The following UGCG variants were observed in gnomAD, a reference collection of about 807,000 sequenced individuals.
The protein encoded by UGCG is UDP-glucose ceramide glucosyltransferase.
In UGCG, 10 loss-of-function variants were observed where a neutral mutation model predicts 49.5. That is an observed-to-expected ratio of 0.20 (90% CI 0.12 to 0.34). The LOEUF is 0.34. Ranked by LOEUF, UGCG falls within the 10% of genes least tolerant of loss-of-function variation. The pLI is 1.00. For missense variants in UGCG, 312 were observed against 483.7 expected (o/e 0.65, Z 3.33); for synonymous variants, 182 against 158.2 (o/e 1.15, Z -1.13).
chr9:111,922,742 A>G (rs1207807217), intron 2 of UGCG, 107 bp from the exon 3 acceptor site: 5 of 661,830 alleles, frequency 7.6e-6, no homozygotes, highest in African/African-American at 3.7e-5. Flanking sequence ...AAAACTTTGC[A>G]TAATACAGTT....
intron 4 of UGCG, among the ~76,000 whole-genome samples, chr9:111,925,940 G>T (rs769672572): frequency 6.6e-6 from 1 of 152,018 alleles, no homozygotes; most frequent in Non-Finnish European, 1.5e-5. Context: ...ATATAATCAC[G>T]TTCCATTCCT....
chr9:111,932,711 G>A (rs72757818), intron 8 of UGCG, 116 bp from the exon 9 acceptor site: 46,030 of 975,290 alleles, frequency 0.047, 1,504 homozygotes, highest in East Asian at 0.15. Flanking sequence ...ACATAAGGAA[G>A]CAGACTTGAT....
chr9:111,932,854 G>T lies in UGCG; in HGVS notation c.1042G>T (p.Asp348Tyr). Residue 348 changes from aspartate to tyrosine, a missense_variant, in exon 9 of 9, where the codon GAT becomes TAT. This residue lies in a region of UGCG where 180 missense variants were observed against 320.4 expected (regional missense o/e 0.56). Coordinates refer to ENST00000374279, the MANE Select transcript of UGCG (RefSeq NM_003358.3). ...QGGTLCFSKL[D>Y]YAVAWFIRES... ...TGGCACACTGTGTTTTTCAAAACTT[G>T]ATTATGCAGTCGCCTGGTTCATCCG... 6.2e-7 allele frequency: 1 copy of T among 1,603,210 alleles called. No homozygotes were observed. Among genetic ancestry groups the T allele is most frequent in the South Asian group, 1.1e-5 (1 of 88,684 alleles).
intron 1 of UGCG, among the ~76,000 whole-genome samples, chr9:111,898,155 T>G (rs1837700294): frequency 6.6e-6 from 1 of 151,582 alleles, no homozygotes. Flanking sequence ...AACTGGGTGA[T>G]GGCGTGAATA....
In UGCG at chr9:111,934,186, T is replaced by C. The variant is rs772014087; in HGVS notation, c.*1189T>C. On this transcript the variant is annotated 3_prime_UTR_variant, in exon 9 of 9. Transcript: ENST00000374279. Reference sequence around the variant, plus strand: ...TACTATTATAGTAAGTCTAGTCTTATTTAAATTGGATTTTTGTATTCAAGT... The same window carrying C: ...TACTATTATAGTAAGTCTAGTCTTACTTAAATTGGATTTTTGTATTCAAGT... The C allele has an allele frequency of 6.6e-6, 1 of 151,906 alleles. No homozygotes were observed. Among genetic ancestry groups the C allele is most frequent in the African/African-American group, 2.4e-5 (1 of 41,362 alleles). 9.4% of individuals were successfully genotyped at this position (151,906 alleles called of 1,614,324 possible). A position where few individuals can be genotyped will look rare whatever the true frequency, so the allele number is the denominator to read the frequency against.
In UGCG at chr9:111,933,339, G is replaced by A. The variant is rs1281709807; in HGVS notation, c.*342G>A. On this transcript the variant is annotated 3_prime_UTR_variant, in exon 9 of 9. Transcript: ENST00000374279. The stretch of plus-strand genomic sequence containing the variant: ...AACTCTGTGACAGTATCCTTCAGTA[G>A]AGAAAGTTTCTTACTTGTGAGTACA... The A allele has an allele frequency of 6.6e-6, 1 of 152,556 alleles. No individual in the cohort carries two copies. Among genetic ancestry groups the A allele is most frequent in the African/African-American group, 2.4e-5 (1 of 41,436 alleles). The allele number at this position is 152,556 out of a possible 1,614,324, so 9.5% of individuals were successfully genotyped here.
chr9:111,932,716 C>T, intron 8 of UGCG, 111 bp from the exon 9 acceptor site: 2 of 1,046,372 alleles, frequency 1.9e-6, no homozygotes. Flanking sequence ...AGGAAGCAGA[C>T]TTGATTTTAC....
Position 111,932,374 on chromosome 9 carries a change from A to C in UGCG, c.1014+15A>C. The C allele has an allele frequency of 6.2e-7, 1 of 1,604,612 alleles. No individual in the cohort carries two copies. The highest frequency in any genetic ancestry group is 1.1e-5 in the South Asian group (1 of 89,914). On this transcript the variant is annotated intron_variant, in intron 8 of 8. Coordinates refer to ENST00000374279, the MANE Select transcript of UGCG (RefSeq NM_003358.3). The stretch of plus-strand genomic sequence containing the variant: ...GGGGTGTCCAGGTATGTGGATAGGC[A>C]TGAAAAGGTTGGCAGTCCCTTGGTG...
At chr9:111,919,365 C>T (rs1838174279) in intron 2 of UGCG, among the ~76,000 whole-genome samples, 1 of 152,024 alleles carries the variant, frequency 6.6e-6, no homozygotes. Flanking sequence ...CACCTATAGT[C>T]CCAGCTACTC....
Position 111,932,866 on chromosome 9 carries a change from G to A in UGCG, c.1054G>A (p.Ala352Thr), listed in dbSNP as rs907614911. 4 of 1,608,286 alleles carry A rather than the reference G, an allele frequency of 2.5e-6. No homozygotes were observed. Among genetic ancestry groups the A allele is most frequent in the African/African-American group, 1.3e-5 (1 of 74,562 alleles). ...LCFSKLDYAV[A>T]WFIRESMTIY... The stretch of plus-strand genomic sequence containing the variant: ...TTTTTCAAAACTTGATTATGCAGTC[G>A]CCTGGTTCATCCGCGAATCCATGAC... Residue 352 changes from alanine to threonine, a missense_variant, in exon 9 of 9, where the codon GCC (alanine) becomes ACC (threonine). Ala to Thr is a moderately conservative substitution (Grantham distance 58). This residue lies in a region of UGCG where 180 missense variants were observed against 320.4 expected (regional missense o/e 0.56). Coordinates refer to ENST00000374279, the MANE Select transcript of UGCG (RefSeq NM_003358.3).
chr9:111,899,974 G>A (rs1837737337), intron 1 of UGCG, among the ~76,000 whole-genome samples: 1 of 152,128 alleles, frequency 6.6e-6, no homozygotes, highest in African/African-American at 2.4e-5. Context: ...GATGGCAGAT[G>A]TTTGTAGGAT....
intron 1 of UGCG, among the ~76,000 whole-genome samples, chr9:111,904,138 T>C (rs1483057134): frequency 6.6e-6 from 1 of 152,232 alleles, no homozygotes; most frequent in Non-Finnish European, 1.5e-5. Flanking sequence ...CTTCATTTAA[T>C]TCTCCATTTA....
chr9:111,925,741 T>C (rs1056969001), intron 4 of UGCG, among the ~76,000 whole-genome samples: 1 of 152,212 alleles, frequency 6.6e-6, no homozygotes, highest in African/African-American at 2.4e-5. Flanking sequence ...TGCTAAAGAT[T>C]GGGCAATAAT....
intron 1 of UGCG, among the ~76,000 whole-genome samples, chr9:111,905,709 C>T (rs1226173336): frequency 1.3e-4 from 20 of 152,188 alleles, no homozygotes; most frequent in Non-Finnish European, 1.0e-4. Flanking sequence ...CCGCCTCAGC[C>T]TCCCAAAGTG....
chr9:111,920,364 A>G (rs997156196), intron 2 of UGCG, among the ~76,000 whole-genome samples: 4 of 151,934 alleles, frequency 2.6e-5, no homozygotes, highest in Non-Finnish European at 5.9e-5. Flanking sequence ...AATTTCTTTT[A>G]TTTTTATTTT....
At chr9:111,910,229 C>T (rs1052128631) in intron 1 of UGCG, among the ~76,000 whole-genome samples, 3 of 152,202 alleles carry the variant, frequency 2.0e-5, no homozygotes, top group East Asian at 1.9e-4. Context: ...AGATGATCTT[C>T]GTTGCTACTG....
chr9:111,914,237 G>A (rs758029588), intron 1 of UGCG, among the ~76,000 whole-genome samples: 1 of 152,156 alleles, frequency 6.6e-6, no homozygotes, highest in Non-Finnish European at 1.5e-5. Context: ...GCATAGTTCT[G>A]TGAGTATAGC....
rs368073573 is a variant in UGCG, at chr9:111,914,734, G to A, written c.228G>A (p.Leu76=). The A allele has an allele frequency of 1.9e-6, 3 of 1,613,094 alleles. No individual in the cohort carries two copies. The highest frequency in any genetic ancestry group is 2.5e-6 in the Non-Finnish European group (3 of 1,179,838). The part of the protein sequence containing the change: ...LINNLETFFE[L]DYPKYEVLLC... ...ACAACCTGGAAACATTCTTTGAATT[G>A]GATTATCCCAAAGTAAGTTCAGTGT... Residue 76 remains leucine, a synonymous_variant, in exon 2 of 9, where the codon TTG becomes TTA. Coordinates refer to ENST00000374279, the MANE Select transcript of UGCG (RefSeq NM_003358.3).
chr9:111,902,920 A>G (rs968767366), intron 1 of UGCG, among the ~76,000 whole-genome samples: 4 of 152,074 alleles, frequency 2.6e-5, no homozygotes, highest in African/African-American at 7.2e-5. Flanking sequence ...TGAGACTACA[A>G]GCACGTGCCA....
Sources: allele counts gnomAD v4.1 joint callset (sites outside exome capture counted in the v4.1 genomes callset), GRCh38; gene constraint gnomAD v4.1.1; regional missense constraint gnomAD v4.1.1; transcripts MANE v1.5; gene names NCBI Gene and HGNC (gene_info 2026-07-23, HGNC 2026-07-21).